CREB5: variants seen among roughly 807,000 people sequenced by gnomAD.
CREB5 encodes cAMP responsive element binding protein 5, also known as cyclic AMP-responsive element-binding protein 5.
CREB5 carries 19 observed loss-of-function variants against 57.1 expected under a neutral mutation model. The ratio of observed to expected loss-of-function variants is 0.33; its 90% CI spans 0.23 to 0.49. The LOEUF (loss-of-function observed/expected upper bound fraction) is 0.49, where lower values mean the gene tolerates loss of function less well. CREB5 is among the 20% of genes least tolerant of loss of function. The pLI, the probability that CREB5 is intolerant of heterozygous loss-of-function variation, is 0.99. For missense variants in CREB5, 579 were observed against 671.6 expected (o/e 0.86, Z 1.52); for synonymous variants, 238 against 238.3 (o/e 1.00, Z 0.01).
At chr7:28,333,181 C>T (rs575167733) in intron 1 of CREB5, among the ~76,000 whole-genome samples, 96 of 152,254 alleles carry the variant, frequency 6.3e-4, no homozygotes, top group African/African-American at 1.3e-3. Flanking sequence ...GGGATTTTTA[C>T]GTAACTGTAA....
intron 5 of CREB5, among the ~76,000 whole-genome samples, chr7:28,657,243 A>G (rs931664212): frequency 1.3e-5 from 2 of 152,178 alleles, no homozygotes; most frequent in Admixed American, 6.5e-5. Context: ...ACAAGTTTCA[A>G]GGGGGTGTCT....
intron 1 of CREB5, among the ~76,000 whole-genome samples, chr7:28,366,787 C>T (rs1583401015): frequency 6.6e-6 from 1 of 152,190 alleles, no homozygotes; most frequent in East Asian, 1.9e-4. Context: ...CAGTTATTAA[C>T]TTCATCAAAC....
At chr7:28,351,047 TATGTA>T (rs1786175257) in intron 1 of CREB5, among the ~76,000 whole-genome samples, 1 of 152,224 alleles carries the variant, frequency 6.6e-6, no homozygotes, top group African/African-American at 2.4e-5. Flanking sequence ...CTGACACCTT[TATGTA>T]ATGATAGAAG....
intron 7 of CREB5, among the ~76,000 whole-genome samples, chr7:28,782,072 A>G (rs1341474752): frequency 1.3e-5 from 2 of 151,746 alleles, no homozygotes; most frequent in African/African-American, 2.4e-5. Context: ...ATCCCAGGCA[A>G]TCCCCAACAA....
chr7:28,345,289 T>A (rs958738129), intron 1 of CREB5, among the ~76,000 whole-genome samples: 7 of 135,434 alleles, frequency 5.2e-5, no homozygotes, highest in Non-Finnish European at 9.8e-5. Context: ...TTTTTTTTTT[T>A]ATCTTTTCTC....
intron 7 of CREB5, among the ~76,000 whole-genome samples, chr7:28,740,429 G>A (rs897848024): frequency 3.3e-5 from 5 of 152,208 alleles, no homozygotes; most frequent in African/African-American, 1.2e-4. Flanking sequence ...TATCACAAAA[G>A]CCACTTGGTC....
At chr7:28,414,613 G>C (rs1191623669) in intron 1 of CREB5, among the ~76,000 whole-genome samples, 1 of 151,998 alleles carries the variant, frequency 6.6e-6, no homozygotes, top group Non-Finnish European at 1.5e-5. Context: ...TCTATTTTGT[G>C]GCAATGCTTT....
intron 5 of CREB5, among the ~76,000 whole-genome samples, chr7:28,651,645 T>C (rs561308462): frequency 6.6e-6 from 1 of 152,342 alleles, no homozygotes; most frequent in Non-Finnish European, 1.5e-5. Flanking sequence ...GTCCTCTTTC[T>C]TTCGCCGGGC....
At chr7:28,356,679 C>T (rs1054650565) in intron 1 of CREB5, among the ~76,000 whole-genome samples, 1 of 152,196 alleles carries the variant, frequency 6.6e-6, no homozygotes, top group Non-Finnish European at 1.5e-5. Context: ...TGGCCTAGGG[C>T]TGCTGTGGTA....
At chr7:28,756,582 G>C (rs1414811863) in intron 7 of CREB5, among the ~76,000 whole-genome samples, 1 of 151,412 alleles carries the variant, frequency 6.6e-6, no homozygotes, top group Non-Finnish European at 1.5e-5. Flanking sequence ...AGCACATTGA[G>C]TCTAAGTAGC....
intron 1 of CREB5, among the ~76,000 whole-genome samples, chr7:28,331,268 C>A (rs573875894): frequency 2.2e-4 from 33 of 152,056 alleles, no homozygotes; most frequent in Middle Eastern, 3.4e-3. Flanking sequence ...AAATTCAATA[C>A]CATAGTTTGG....
In CREB5 at chr7:28,597,331, T is replaced by C. The variant is rs1419031536; in HGVS notation, c.464+26794T>C. 3.9e-5 allele frequency among the ~76,000 whole-genome samples: 6 copies of C among 152,266 alleles called. No homozygotes were observed. In the East Asian group the frequency reaches 1.2e-3, roughly 29 times the overall value. On this transcript the variant is annotated intron_variant, in intron 5 of 10. Transcript: ENST00000357727. The stretch of plus-strand genomic sequence containing the variant: ...GAGCGACACAAGAGAAGAGCACACC[T>C]CTTTGCAAATGGAAAGCTGATCTCC...
intron 7 of CREB5, among the ~76,000 whole-genome samples, chr7:28,802,231 C>T (rs1365441436): frequency 6.6e-6 from 1 of 151,988 alleles, no homozygotes; most frequent in African/African-American, 2.4e-5. Context: ...GAGAAGTAGA[C>T]TATGTGGCTA....
At chr7:28,341,306 C>T (rs958261994) in intron 1 of CREB5, among the ~76,000 whole-genome samples, 1 of 152,042 alleles carries the variant, frequency 6.6e-6, no homozygotes, top group African/African-American at 2.4e-5. Context: ...ATATTTATCT[C>T]TGTTTATTAT....
chr7:28,310,292 C>T (rs758117976), intron 1 of CREB5, among the ~76,000 whole-genome samples: 1 of 152,166 alleles, frequency 6.6e-6, no homozygotes, highest in Non-Finnish European at 1.5e-5. Flanking sequence ...TTTGACCAGA[C>T]CTGCTTCTGT....
chr7:28,732,431 C>G lies in CREB5; in HGVS notation c.702+8099C>G, dbSNP rs564134039. Reference sequence around the variant, plus strand: ...CTGCATATGGTTTGGGTCAGAACACCCCCTCTCAGACAAAGTTTTCAAGAG... The same window carrying G: ...CTGCATATGGTTTGGGTCAGAACACGCCCTCTCAGACAAAGTTTTCAAGAG... On this transcript the variant is annotated intron_variant, in intron 7 of 10. Transcript: ENST00000357727. 2.0e-3 allele frequency among the ~76,000 whole-genome samples: 309 copies of G among 152,180 alleles called. 1 individual carries two copies. Among genetic ancestry groups the G allele is most frequent in the Non-Finnish European group, 3.8e-3 (256 of 68,000 alleles).
At chr7:28,492,916 C>A (rs1459392867) in intron 2 of CREB5, among the ~76,000 whole-genome samples, 2 of 137,142 alleles carry the variant, frequency 1.5e-5, no homozygotes, top group Non-Finnish European at 3.1e-5. Context: ...TGTTATAGAC[C>A]AAAAGAATGG....
rs529728055 is a variant in CREB5, at chr7:28,435,678, T to A, written c.3+22761T>A. The A allele has an allele frequency of 4.1e-6, 4 of 985,226 alleles. No homozygotes were observed. The African/African-American group carries it at 7.0e-5, about 17-fold the overall frequency. The allele number at this position is 985,226 out of a possible 1,614,324, so 61.0% of individuals were successfully genotyped here. ...ATTTACCTGAATGAGGAGCTCATAT[T>A]TATTTTCAGGGTAAGTGGTGGGGTT... On this transcript the variant is annotated intron_variant, in intron 1 of 10. Transcript: ENST00000357727.
At chr7:28,432,684 G>A (rs1459550934) in intron 1 of CREB5, among the ~76,000 whole-genome samples, 1 of 152,164 alleles carries the variant, frequency 6.6e-6, no homozygotes, top group Non-Finnish European at 1.5e-5. Context: ...AGGAATTTTA[G>A]ATGGCTTGAA....
Sources: gnomAD v4.1 joint callset for allele counts (sites outside exome capture counted in the v4.1 genomes callset) on GRCh38, gnomAD v4.1.1 for gene constraint, MANE v1.5 for transcripts, NCBI Gene and HGNC (gene_info 2026-07-23, HGNC 2026-07-21) for gene names.